Variants in PTPRM observed in about 807,000 individuals in gnomAD.
The protein encoded by PTPRM is receptor-type tyrosine-protein phosphatase mu.
PTPRM carries 47 observed loss-of-function variants against 186.7 expected under a neutral mutation model. The observed-to-expected ratio is 0.25, with a 90% CI of 0.20 to 0.32. The LOEUF (loss-of-function observed/expected upper bound fraction) is 0.32, where lower values mean the gene tolerates loss of function less well. PTPRM is among the 10% of genes least tolerant of loss of function. The pLI, the probability that PTPRM is intolerant of heterozygous loss-of-function variation, is 1.00. For synonymous variants in PTPRM, 668 were observed against 674.9 expected (o/e 0.99, Z 0.16); for missense variants, 1,494 against 1,865.0 (o/e 0.80, Z 3.66).
chr18:7,966,131 A>T (rs903835659), intron 7 of PTPRM, among the ~76,000 whole-genome samples: 3 of 152,238 alleles, frequency 2.0e-5, no homozygotes, highest in African/African-American at 7.2e-5. Context: ...TACCTATTAG[A>T]ATAAACTGCA....
At chr18:8,178,252 G>T (rs2093516109) in intron 14 of PTPRM, among the ~76,000 whole-genome samples, 1 of 152,166 alleles carries the variant, frequency 6.6e-6, no homozygotes, top group Admixed American at 6.5e-5. Flanking sequence ...AATAAGCAAG[G>T]TTAGTCTAAA....
intron 2 of PTPRM, among the ~76,000 whole-genome samples, chr18:7,857,850 T>A (rs568235145): frequency 6.6e-6 from 1 of 152,326 alleles, no homozygotes; most frequent in African/African-American, 2.4e-5. Flanking sequence ...GATTACATCA[T>A]AATGTTCATT....
chr18:7,859,292 T>C (rs1443606), intron 2 of PTPRM, among the ~76,000 whole-genome samples: 8,118 of 152,278 alleles, frequency 0.053, 704 homozygotes, highest in African/African-American at 0.18. Context: ...TCTTGGCCAT[T>C]CTTTTCTGCT....
At chr18:7,647,262 A>G (rs2038588030) in intron 1 of PTPRM, among the ~76,000 whole-genome samples, 1 of 151,900 alleles carries the variant, frequency 6.6e-6, no homozygotes, top group East Asian at 1.9e-4. Flanking sequence ...CCATTGAAAA[A>G]CTCAATCTCA....
intron 32 of PTPRM, chr18:8,403,766 TC>T (rs2095885856): frequency 6.6e-6 from 1 of 152,204 alleles, no homozygotes; most frequent in African/African-American, 2.4e-5. Context: ...CCCTTCAGCT[TC>T]CAGTCTTTAT....
intron 1 of PTPRM, among the ~76,000 whole-genome samples, chr18:7,578,568 C>T (rs1359060992): frequency 2.6e-5 from 4 of 151,944 alleles, no homozygotes; most frequent in African/African-American, 9.7e-5. Context: ...ATCTCCTGAC[C>T]TCGTGATCCG....
intron 7 of PTPRM, among the ~76,000 whole-genome samples, chr18:8,063,229 G>A (rs560253243): frequency 1.4e-4 from 21 of 151,110 alleles, no homozygotes; most frequent in African/African-American, 3.9e-4. Context: ...TTCCAGGTGC[G>A]CCCGTCACCC....
At chr18:7,790,591 T>A (rs1220235585) in intron 2 of PTPRM, among the ~76,000 whole-genome samples, 1 of 152,242 alleles carries the variant, frequency 6.6e-6, no homozygotes, top group Non-Finnish European at 1.5e-5. Context: ...CCTCCCTGAT[T>A]CACTTATATC....
At chr18:8,111,398 G>A (rs751571458) in intron 11 of PTPRM, among the ~76,000 whole-genome samples, 23 of 152,272 alleles carry the variant, frequency 1.5e-4, no homozygotes, top group Middle Eastern at 3.4e-3. Flanking sequence ...GGATCACGAT[G>A]TCAGGAGATT....
chr18:8,216,368 TAATCTC>T (rs2094085967), intron 14 of PTPRM, among the ~76,000 whole-genome samples: 1 of 152,216 alleles, frequency 6.6e-6, no homozygotes, highest in East Asian at 1.9e-4. Context: ...CTATTTTAAT[TAATCTC>T]AATAACAAAT....
chr18:7,985,815 T>TA (rs2082934929), intron 7 of PTPRM, among the ~76,000 whole-genome samples: 1 of 152,042 alleles, frequency 6.6e-6, no homozygotes, highest in Admixed American at 6.6e-5. Context: ...GTCACCCTGT[T>TA]GTGCTATGAA....
chr18:7,677,219 C>T (rs77914823), intron 1 of PTPRM, among the ~76,000 whole-genome samples: 8,871 of 152,236 alleles, frequency 0.058, 295 homozygotes, highest in South Asian at 0.14. Context: ...TTACAGTTTA[C>T]GAAGTCCTAC....
chr18:7,867,532 C>T (rs1248328163), intron 2 of PTPRM, among the ~76,000 whole-genome samples: 3 of 152,194 alleles, frequency 2.0e-5, no homozygotes, highest in African/African-American at 4.8e-5. Context: ...GACTCCCACT[C>T]TCTTCTGGCT....
chr18:8,262,144 A>G (rs56270000), intron 19 of PTPRM, among the ~76,000 whole-genome samples: 45,054 of 151,506 alleles, frequency 0.3, 6,868 homozygotes, highest in Admixed American at 0.38. Context: ...TCAAGTCCCA[A>G]CTGCTCTCTC....
At chr18:7,733,701 A>C (rs779752816) in intron 1 of PTPRM, among the ~76,000 whole-genome samples, 1 of 152,172 alleles carries the variant, frequency 6.6e-6, no homozygotes, top group Non-Finnish European at 1.5e-5. Flanking sequence ...CAGCAAACAG[A>C]GGGTCCCTGT....
At chr18:7,828,845 G>A (rs2045619904) in intron 2 of PTPRM, among the ~76,000 whole-genome samples, 1 of 152,000 alleles carries the variant, frequency 6.6e-6, no homozygotes, top group Admixed American at 6.6e-5. Flanking sequence ...GGTAAATGAG[G>A]GAATAAGTAT....
At position 8,296,371 on chromosome 18, in the gene PTPRM, T is replaced by A. The variant is rs1326126704; in HGVS notation, c.2758T>A (p.Phe920Ile). ...GYGFKEEYES[F>I]FEGQSAPWDS... ...CTCAGTCTCACTTTCCTTCTAGAGC[T>A]TCTTTGAAGGGCAGTCTGCACCATG... Residue 920 changes from phenylalanine (F) to isoleucine (I), a missense_variant, in exon 20 of 33, where the codon TTC becomes ATC. Around this residue, in one of 3 missense-constraint regions of PTPRM, gnomAD observed 1,107 missense variants for 1,350.2 expected, o/e 0.82. Coordinates refer to ENST00000580170, the MANE Select transcript of PTPRM (RefSeq NM_001105244.2). The A allele has an allele frequency of 6.2e-7, 1 of 1,600,630 alleles. No individual in the cohort carries two copies. Among genetic ancestry groups the A allele is most frequent in the Non-Finnish European group, 8.6e-7 (1 of 1,167,832 alleles).
intron 2 of PTPRM, among the ~76,000 whole-genome samples, chr18:7,844,031 G>C (rs528085387): frequency 5.9e-5 from 9 of 152,274 alleles, no homozygotes; most frequent in African/African-American, 2.2e-4. Context: ...CCCTGAGGGG[G>C]CAGGTGGTCA....
chr18:7,828,036 G>A (rs1262820567), intron 2 of PTPRM, among the ~76,000 whole-genome samples: 2 of 152,114 alleles, frequency 1.3e-5, no homozygotes, highest in Non-Finnish European at 2.9e-5. Context: ...CTGATAATCC[G>A]AATCATTTGG....
Sources: gnomAD v4.1 joint callset for allele counts (sites outside exome capture counted in the v4.1 genomes callset) on GRCh38, gnomAD v4.1.1 for gene constraint, gnomAD v4.1.1 regional missense constraint, MANE v1.5 for transcripts, NCBI Gene and HGNC (gene_info 2026-07-23, HGNC 2026-07-21) for gene names.